The following GABRB3 variants were observed in gnomAD, a reference collection of about 807,000 sequenced individuals.
GABRB3 encodes gamma-aminobutyric acid type A receptor subunit beta3.
In GABRB3, 14 loss-of-function variants were observed where a neutral mutation model predicts 52.1. That is an observed-to-expected ratio of 0.27 (90% CI 0.18 to 0.42). The LOEUF is 0.42. Ranked by LOEUF, GABRB3 falls within the 10% of genes least tolerant of loss-of-function variation. The pLI, the probability that GABRB3 is intolerant of heterozygous loss-of-function variation, is 1.00. For synonymous variants in GABRB3, 260 were observed against 232.3 expected (o/e 1.12, Z -1.08); for missense variants, 307 against 609.1 (o/e 0.50, Z 5.22).
At chr15:26,600,945 G>A (rs541455178) in intron 4 of GABRB3, among the ~76,000 whole-genome samples, 17 of 152,234 alleles carry the variant, frequency 1.1e-4, no homozygotes, top group African/African-American at 3.1e-4. Flanking sequence ...AACACATCAC[G>A]AAATGAGGTA....
At chr15:26,741,118 A>T (rs1353443054) in intron 3 of GABRB3, among the ~76,000 whole-genome samples, 4 of 151,844 alleles carry the variant, frequency 2.6e-5, no homozygotes, top group African/African-American at 9.7e-5. Flanking sequence ...TAGCAAAAAA[A>T]TTCCTATATG....
At chr15:26,751,672 T>C (rs1233322093) in intron 3 of GABRB3, among the ~76,000 whole-genome samples, 1 of 151,994 alleles carries the variant, frequency 6.6e-6, no homozygotes, top group African/African-American at 2.4e-5. Context: ...GGGGGACCCC[T>C]CATAAGGGGG....
At chr15:26,694,140 AC>A (rs1178123896) in intron 3 of GABRB3, among the ~76,000 whole-genome samples, 2 of 152,140 alleles carry the variant, frequency 1.3e-5, no homozygotes, top group African/African-American at 2.4e-5. Context: ...CTTAAAATCC[AC>A]CCATAGAGTC....
At chr15:26,734,471 A>T (rs143248938) in intron 3 of GABRB3, among the ~76,000 whole-genome samples, 11 of 152,206 alleles carry the variant, frequency 7.2e-5, no homozygotes, top group African/African-American at 2.4e-4. Flanking sequence ...AAAATTTTAA[A>T]ACATTGCATG....
chr15:26,668,260 T>C (rs1887776660), intron 3 of GABRB3, among the ~76,000 whole-genome samples: 1 of 152,212 alleles, frequency 6.6e-6, no homozygotes, highest in South Asian at 2.1e-4. Flanking sequence ...CAAAGTAAAT[T>C]GGAATTAAGA....
rs367549060 is a variant in GABRB3 at position 26,586,229 on chromosome 15, G to A, written c.462-2815C>T. On this transcript the variant is annotated intron_variant, in intron 4 of 8. Transcript: ENST00000311550. Reference sequence around the variant, plus strand: ...TTAGCCAGGATGGTCTCGATCTCCTGACCCCGATCCACCCGCCTTGGTCTC... The same window carrying A: ...TTAGCCAGGATGGTCTCGATCTCCTAACCCCGATCCACCCGCCTTGGTCTC... Among the ~76,000 whole-genome samples the A allele has an allele frequency of 2.0e-4, 30 of 152,100 alleles. No homozygotes were observed. In the East Asian group the frequency reaches 4.7e-3, roughly 24 times the overall value.
intron 3 of GABRB3, among the ~76,000 whole-genome samples, chr15:26,741,312 A>C (rs2140160763): frequency 6.6e-6 from 1 of 152,304 alleles, no homozygotes; most frequent in East Asian, 1.9e-4. Context: ...TAAACATGGT[A>C]GCCTTTCCAA....
At chr15:26,604,692 C>T in intron 4 of GABRB3, among the ~76,000 whole-genome samples, 1 of 151,934 alleles carries the variant, frequency 6.6e-6, no homozygotes, top group African/African-American at 2.4e-5. Flanking sequence ...ATGTATGGTC[C>T]TGGGAAAACT....
chr15:26,699,190 A>T (rs1888845723), intron 3 of GABRB3, among the ~76,000 whole-genome samples: 1 of 152,174 alleles, frequency 6.6e-6, no homozygotes, highest in Non-Finnish European at 1.5e-5. Flanking sequence ...ACAGAGCAGC[A>T]TTCATAGGGC....
chr15:26,590,501 T>C (rs910319786), intron 4 of GABRB3, among the ~76,000 whole-genome samples: 8 of 152,182 alleles, frequency 5.3e-5, no homozygotes, highest in Admixed American at 3.9e-4. Flanking sequence ...GAGGCAGCTA[T>C]CATTTTACCA....
At chr15:26,594,976 T>C (rs1157428279) in intron 4 of GABRB3, among the ~76,000 whole-genome samples, 1 of 152,222 alleles carries the variant, frequency 6.6e-6, no homozygotes, top group African/African-American at 2.4e-5. Context: ...AAAGCAAAAA[T>C]TGGAGGTTCC....
Position 26,606,808 on chromosome 15 carries a change from A to ATT in GABRB3, c.461+14505_461+14506insAA, listed in dbSNP as rs750566618. ...TATATCTATAGATAGATATATCTAT[A>ATT]GATAGATAGATAGATAGATAGATAG... On this transcript the variant is annotated intron_variant, in intron 4 of 8. Transcript: ENST00000311550. Among the ~76,000 whole-genome samples, 64 of 84,780 alleles carry ATT rather than the reference A, an allele frequency of 7.5e-4. 3 individuals carry two copies. Among genetic ancestry groups the ATT allele is most frequent in the Middle Eastern group, 4.9e-3 (1 of 206 alleles). 55.6% of individuals were successfully genotyped at this position (84,780 alleles called of 152,430 possible). A position where few individuals can be genotyped will look rare whatever the true frequency, so the allele number is the denominator to read the frequency against.
chr15:26,607,774 A>G (rs1427562026), intron 4 of GABRB3, among the ~76,000 whole-genome samples: 3 of 152,130 alleles, frequency 2.0e-5, no homozygotes, highest in Non-Finnish European at 4.4e-5. Flanking sequence ...AATTTAACCA[A>G]GGAAATGAAA....
chr15:26,717,371 A>G (rs1889524186), intron 3 of GABRB3, among the ~76,000 whole-genome samples: 1 of 151,866 alleles, frequency 6.6e-6, no homozygotes, highest in Non-Finnish European at 1.5e-5. Flanking sequence ...TATCCACCCA[A>G]CAACAGCCCA....
chr15:26,746,083 C>T (rs1408752905), intron 3 of GABRB3, among the ~76,000 whole-genome samples: 2 of 152,162 alleles, frequency 1.3e-5, no homozygotes. Context: ...TAGGAGTGAT[C>T]AATCCAGCTT....
chr15:26,745,624 C>T (rs1348307454), intron 3 of GABRB3, among the ~76,000 whole-genome samples: 2 of 152,188 alleles, frequency 1.3e-5, no homozygotes, highest in East Asian at 3.9e-4. Flanking sequence ...TTACCCACAC[C>T]CCTCCTCCAC....
intron 4 of GABRB3, among the ~76,000 whole-genome samples, chr15:26,594,364 T>TAA (rs2140765443): frequency 6.6e-6 from 1 of 152,276 alleles, no homozygotes; most frequent in Non-Finnish European, 1.5e-5. Context: ...GATTTGCTGC[T>TAA]TTTAACTTTA....
chr15:26,562,129 A>C (rs922561195), intron 7 of GABRB3, among the ~76,000 whole-genome samples: 9 of 152,334 alleles, frequency 5.9e-5, no homozygotes, highest in Middle Eastern at 3.4e-3. Flanking sequence ...ACCAGGAGGC[A>C]AGTCAGTGAC....
At chr15:26,759,089 C>T (rs1191497603) in intron 3 of GABRB3, among the ~76,000 whole-genome samples, 1 of 152,126 alleles carries the variant, frequency 6.6e-6, no homozygotes, top group Admixed American at 6.5e-5. Flanking sequence ...CACCTTTTTC[C>T]TATGACATAA....
Sources: gnomAD v4.1 joint callset for allele counts (sites outside exome capture counted in the v4.1 genomes callset) on GRCh38, gnomAD v4.1.1 for gene constraint, MANE v1.5 for transcripts, NCBI Gene and HGNC (gene_info 2026-07-23, HGNC 2026-07-21) for gene names.